Variants in NPC1L1 observed in about 807,000 individuals in gnomAD.
NPC1L1 encodes NPC1-like intracellular cholesterol transporter 1.
NPC1L1 carries 98 observed loss-of-function variants against 117.0 expected under a neutral mutation model. That is an observed-to-expected ratio of 0.84 (90% CI 0.71 to 0.99). The LOEUF (loss-of-function observed/expected upper bound fraction) is 0.99, where lower values mean the gene tolerates loss of function less well. NPC1L1 is among the 50% of genes least tolerant of loss of function. The pLI, the probability that NPC1L1 is intolerant of heterozygous loss-of-function variation, is 0.00. For synonymous variants in NPC1L1, 729 were observed against 727.6 expected (o/e 1.00, Z -0.03); for missense variants, 1,540 against 1,710.0 (o/e 0.90, Z 1.75).
rs879261608 is a variant in NPC1L1 at position 44,520,280 on chromosome 7, GAA to G, written c.3136+483_3136+484del. 8.4e-4 allele frequency among the ~76,000 whole-genome samples: 119 copies of G among 141,952 alleles called. 1 individual carries two copies. Among genetic ancestry groups the G allele is most frequent in the African/African-American group, 2.8e-3 (111 of 39,038 alleles). The allele number at this position is 141,952 out of a possible 152,430, so 93.1% of individuals were successfully genotyped here. A position where few individuals can be genotyped will look rare whatever the true frequency, so the allele number is the denominator to read the frequency against. ...GGGCAACAAAGCGAGACTCCGTCTC[GAA>G]AAAAAAAAAAGAGGGTCTCCCTACT... On this transcript the variant is annotated intron_variant, in intron 14 of 18. Transcript: ENST00000381160.
chr7:44,537,627 C>T (rs1022990288), intron 2 of NPC1L1, among the ~76,000 whole-genome samples: 2 of 152,238 alleles, frequency 1.3e-5, no homozygotes, highest in South Asian at 4.1e-4. Flanking sequence ...CAGATCTCAG[C>T]AAGCGAGTGC....
At position 44,539,839 on chromosome 7, in the gene NPC1L1, G is replaced by C. The variant is rs775246879; in HGVS notation, c.558C>G (p.Gly186=). 6.2e-7 allele frequency: 1 copy of C among 1,614,164 alleles called. No homozygotes were observed. The highest frequency in any genetic ancestry group is 1.1e-5 in the South Asian group (1 of 91,090). The stretch of plus-strand genomic sequence containing the variant: ...CAGAGCCATACACGCCACACATGGT[G>C]CCCACAGCCAGCGTGGCAGCTGCAG... ...RVPAAATLAV[G]TMCGVYGSAL... is the part of the protein sequence containing the mutation. Residue 186 remains glycine, a synonymous_variant, in exon 2 of 19, where the codon GGC becomes GGG. Coordinates refer to ENST00000381160, the MANE Select transcript of NPC1L1 (RefSeq NM_001101648.2). This position sits in a 1 kb window ranked among gnomAD's most constrained non-coding sequence, Gnocchi z 4.4.
rs1801901254 is a variant in NPC1L1 at position 44,536,556 on chromosome 7, C to T, written c.1682-128G>A. 1 of 1,064,398 alleles carries T rather than the reference C, an allele frequency of 9.4e-7. No individual in the cohort carries two copies. The highest frequency in any genetic ancestry group is 2.4e-5 in the East Asian group (1 of 41,032). The allele number at this position is 1,064,398 out of a possible 1,614,324, so 65.9% of individuals were successfully genotyped here. On this transcript the variant is annotated intron_variant, in intron 3 of 18. Coordinates refer to ENST00000381160, the MANE Select transcript of NPC1L1 (RefSeq NM_001101648.2). This position sits in a 1 kb window ranked among gnomAD's most constrained non-coding sequence, Gnocchi z 4.7. ...ATCACCCCTTGCTCCTTCTCCCCCA[C>T]TCCTTCCTCATCTGATACATGGCCT...
intron 16 of NPC1L1, among the ~76,000 whole-genome samples, chr7:44,516,491 G>A (rs1176039682): frequency 6.6e-6 from 1 of 152,120 alleles, no homozygotes; most frequent in Non-Finnish European, 1.5e-5. Context: ...CTGTAGTCCT[G>A]GCTACTTTGG....
At chr7:44,533,123 C>A in intron 8 of NPC1L1, 1 of 297,238 alleles carries the variant, frequency 3.4e-6, no homozygotes, top group South Asian at 3.2e-5. Flanking sequence ...AAAAAAGTTA[C>A]ATGCAGATTT....
At position 44,536,927 on chromosome 7, in the gene NPC1L1, G is replaced by C. The variant is rs745447418; in HGVS notation, c.1596C>G (p.Phe532Leu). The change falls in exon 3 of 19, where the codon TTC becomes TTG. Residue 532 changes from phenylalanine to leucine, a missense_variant. Phe to Leu is a conservative substitution (Grantham distance 22). Around this residue, in one of 3 missense-constraint regions of NPC1L1, gnomAD observed 793 missense variants for 820.4 expected, o/e 0.97. Coordinates refer to ENST00000381160, the MANE Select transcript of NPC1L1 (RefSeq NM_001101648.2). The surrounding 1 kb of genome is among the most constrained non-coding windows in gnomAD (Gnocchi z 4.7). ...TCAGGGCCAGGGCTGTGCCATCCTT[G>C]AAGGTGAGCGGGGCACTAGAGGGAG... ...FLYCANAPLTFKDGTALALSC... is the reference protein window; with the variant it reads ...FLYCANAPLTLKDGTALALSC... 25 of 1,613,890 alleles carry C rather than the reference G, an allele frequency of 1.5e-5. No individual in the cohort carries two copies. The highest frequency in any genetic ancestry group is 1.9e-5 in the Non-Finnish European group (22 of 1,179,952).
intron 15 of NPC1L1, 80 bp from the exon 16 acceptor site, chr7:44,517,014 G>A: frequency 6.8e-7 from 1 of 1,466,892 alleles, no homozygotes; most frequent in Non-Finnish European, 9.5e-7. Flanking sequence ...TTCAGAAGGA[G>A]AATGCTGAGG....
At chr7:44,535,813 C>G (rs1464693517) in intron 5 of NPC1L1, 27 bp downstream of exon 5, 1 of 1,612,206 alleles carries the variant, frequency 6.2e-7, no homozygotes. Context: ...GGCTAGCCCA[C>G]TTAGCTGTGT....
At position 44,521,815 on chromosome 7, in the gene NPC1L1, G is replaced by A. The variant is rs1168523242; in HGVS notation, c.2850C>T (p.Ala950=). 1 of 1,614,042 alleles carries A rather than the reference G, an allele frequency of 6.2e-7. No individual in the cohort carries two copies. The highest frequency in any genetic ancestry group is 8.5e-7 in the Non-Finnish European group (1 of 1,180,038). ...CAATGAAGTCATCCACCCAGGAGGA[G>A]GCAGGGATGGCCAGGTAAGACCTAA... is the stretch of plus-strand genomic sequence containing the variant. The part of the protein sequence containing the change: ...FPEQSYLAIP[A]SSWVDDFIDW... The change falls in exon 12 of 19, where the codon GCC becomes GCT. Residue 950 remains alanine (A), a synonymous_variant. Transcript: ENST00000381160.
chr7:44,534,353 C>T lies in NPC1L1; in HGVS notation c.2166+94G>A. 1 of 1,221,262 alleles carries T rather than the reference C, an allele frequency of 8.2e-7. No individual in the cohort carries two copies. The highest frequency in any genetic ancestry group is 1.7e-5 in the Admixed American group (1 of 59,396). The allele number at this position is 1,221,262 out of a possible 1,614,324, so 75.7% of individuals were successfully genotyped here. ...TGAACAGAAAGAGTCTGCAGGGAGA[C>T]CCAGCAAATTCACGCCAGAGTCCCA... On this transcript the variant is annotated intron_variant, in intron 6 of 18. Transcript: ENST00000381160. The surrounding 1 kb of genome is among the most constrained non-coding windows in gnomAD (Gnocchi z 5.2).
Position 44,513,630 on chromosome 7 carries a change from A to G in NPC1L1, c.3816T>C (p.Ala1272=). 2 of 1,613,210 alleles carry G rather than the reference A, an allele frequency of 1.2e-6. No homozygotes were observed. The highest frequency in any genetic ancestry group is 1.7e-6 in the Non-Finnish European group (2 of 1,180,026). Residue 1272 remains alanine (A), a synonymous_variant, in exon 19 of 19, where the codon GCT becomes GCC. Transcript: ENST00000381160. ...LSYVGPDVNP[A]LALEQKRAEE... ...CAGCCCGCTTCTGCTCCAGTGCCAG[A>G]GCCGGGTTAACGTCAGGCCCTGCGG...
In NPC1L1 at chr7:44,532,210, C is replaced by T. The variant is rs781064587; in HGVS notation, c.2417G>A (p.Arg806Gln). The T allele has an allele frequency of 4.4e-5, 71 of 1,613,700 alleles. No individual in the cohort carries two copies. The highest frequency in any genetic ancestry group is 1.7e-4 in the Middle Eastern group (1 of 6,036). Reference protein sequence around the residue: ...SLDSKRQEASRLDVCCCVKPQ... With the variant: ...SLDSKRQEASQLDVCCCVKPQ... ...CTTGACACAGCAGCAGACGTCCAAC[C>T]GGGAGGCCTGGAGTGGGAGGCACCC... Residue 806 changes from arginine (R) to glutamine (Q), a missense_variant, in exon 9 of 19, where the codon CGG becomes CAG. Coordinates refer to ENST00000381160, the MANE Select transcript of NPC1L1 (RefSeq NM_001101648.2).
At chr7:44,526,780 T>G (rs567446885) in intron 10 of NPC1L1, among the ~76,000 whole-genome samples, 3 of 152,084 alleles carry the variant, frequency 2.0e-5, no homozygotes, top group Non-Finnish European at 4.4e-5. Context: ...TCCTAGCACT[T>G]TGGGAGGCCA....
rs751551765 is a variant in NPC1L1 at position 44,539,227 on chromosome 7, G to A, written c.1170C>T (p.Ala390=). The change falls in exon 2 of 19, where the codon GCC becomes GCT. Residue 390 remains alanine, a synonymous_variant. Coordinates refer to ENST00000381160, the MANE Select transcript of NPC1L1 (RefSeq NM_001101648.2). The surrounding 1 kb of genome is among the most constrained non-coding windows in gnomAD (Gnocchi z 4.4). ...VELWSAPNSQ[A]RSEKAFHDQH... ...GGTCATGGAAAGCTTTCTCACTCCG[G>A]GCTTGGCTGTTGGGGGCCGACCACA... 1 of 1,614,122 alleles carries A rather than the reference G, an allele frequency of 6.2e-7. No individual in the cohort carries two copies. Among genetic ancestry groups the A allele is most frequent in the Non-Finnish European group, 8.5e-7 (1 of 1,180,036 alleles).
intron 7 of NPC1L1, 80 bp from the exon 8 acceptor site, chr7:44,533,638 A>G: frequency 1.2e-6 from 2 of 1,608,224 alleles, no homozygotes; most frequent in South Asian, 1.1e-5. Flanking sequence ...GTGCAGGGGG[A>G]AGGGAATCTG....
intron 11 of NPC1L1, 24 bp from the exon 12 acceptor site, chr7:44,521,860 G>A (rs1212212776): frequency 2.5e-6 from 4 of 1,613,730 alleles, no homozygotes; most frequent in Non-Finnish European, 3.4e-6. Flanking sequence ...GGGAGGAAGG[G>A]TGAAAAGGCC....
chr7:44,513,128 G>A lies in NPC1L1; in HGVS notation c.*319C>T. ...GAAGGGAAAAGTTGGATGAGAAGTG[G>A]GCTCCTAGGAAAGTGAGTGAGTGTG... On this transcript the variant is annotated 3_prime_UTR_variant, in exon 19 of 19. Transcript: ENST00000381160. The A allele has an allele frequency of 2.4e-6, 1 of 419,508 alleles. No homozygotes were observed. Among genetic ancestry groups the A allele is most frequent in the South Asian group, 2.2e-5 (1 of 44,720 alleles). 26.0% of individuals were successfully genotyped at this position (419,508 alleles called of 1,614,324 possible).
chr7:44,522,718 C>G (rs1801399811), intron 10 of NPC1L1, among the ~76,000 whole-genome samples: 1 of 152,010 alleles, frequency 6.6e-6, no homozygotes, highest in African/African-American at 2.4e-5. Context: ...CAGAAGTACA[C>G]TTATGCAGGT....
chr7:44,523,119 G>A lies in NPC1L1; in HGVS notation c.2638-877C>T, dbSNP rs140088134. 1.8e-4 allele frequency among the ~76,000 whole-genome samples: 28 copies of A among 152,258 alleles called. No homozygotes were observed. The East Asian group carries it at 3.7e-3, about 20-fold the overall frequency. On this transcript the variant is annotated intron_variant, in intron 10 of 18. Transcript: ENST00000381160. Reference sequence around the variant, plus strand: ...CTTCTGGGCTGGAGTGCAGTGGCGCGATCTCTGCTCACTGCAACCTCCGCC... The same window carrying A: ...CTTCTGGGCTGGAGTGCAGTGGCGCAATCTCTGCTCACTGCAACCTCCGCC...
Sources: gnomAD v4.1 joint callset for allele counts (sites outside exome capture counted in the v4.1 genomes callset) on GRCh38, gnomAD v4.1.1 for gene constraint, gnomAD v4.1.1 regional missense constraint, Gnocchi (gnomAD v3.1) non-coding constraint, MANE v1.5 for transcripts, NCBI Gene and HGNC (gene_info 2026-07-23, HGNC 2026-07-21) for gene names.